The following KIAA1217 variants were observed in gnomAD, a reference collection of about 807,000 sequenced individuals.
KIAA1217 encodes the protein KIAA1217, also known as sickle tail protein homolog.
In KIAA1217, 88 loss-of-function variants were observed where a neutral mutation model predicts 163.9. The observed-to-expected ratio is 0.54, with a 90% CI of 0.45 to 0.64. KIAA1217 has a LOEUF of 0.64. Among genes scored for constraint, KIAA1217 ranks in the 30% least tolerant of loss-of-function variants. The pLI, the probability that KIAA1217 is intolerant of heterozygous loss-of-function variation, is 0.00. For synonymous variants in KIAA1217, 903 were observed against 923.1 expected (o/e 0.98, Z 0.39); for missense variants, 2,372 against 2,475.0 (o/e 0.96, Z 0.88).
At chr10:24,351,399 C>G (rs766921300) in intron 2 of KIAA1217, among the ~76,000 whole-genome samples, 3 of 152,154 alleles carry the variant, frequency 2.0e-5, no homozygotes, top group Non-Finnish European at 4.4e-5. Context: ...TATGACCATG[C>G]CCTTTATGGC....
intron 2 of KIAA1217, among the ~76,000 whole-genome samples, chr10:24,331,471 A>T (rs1462483032): frequency 6.6e-6 from 1 of 152,248 alleles, no homozygotes; most frequent in Non-Finnish European, 1.5e-5. Context: ...GATTAAATAG[A>T]CGAAGTCACA....
chr10:24,140,715 A>G (rs530411467), intron 2 of KIAA1217, among the ~76,000 whole-genome samples: 1 of 152,332 alleles, frequency 6.6e-6, no homozygotes, highest in East Asian at 1.9e-4. Context: ...TAATTGAAAC[A>G]TCGGAAAGCA....
chr10:23,944,993 A>T (rs1004581393), intron 1 of KIAA1217, among the ~76,000 whole-genome samples: 1 of 148,662 alleles, frequency 6.7e-6, no homozygotes, highest in Non-Finnish European at 1.5e-5. Flanking sequence ...TGGGAGGCGG[A>T]GGTTGCAGTG....
intron 9 of KIAA1217, among the ~76,000 whole-genome samples, chr10:24,509,650 G>A (rs2068832933): frequency 2.0e-5 from 3 of 152,108 alleles, no homozygotes; most frequent in African/African-American, 7.2e-5. Flanking sequence ...ATAACTTTTG[G>A]CTCCCCCAAA....
At chr10:23,780,706 G>C (rs1372158797) in intron 1 of KIAA1217, among the ~76,000 whole-genome samples, 1 of 152,134 alleles carries the variant, frequency 6.6e-6, no homozygotes, top group Non-Finnish European at 1.5e-5. Context: ...GGGGAATGGA[G>C]TTTCACTCTT....
chr10:24,443,158 G>T (rs1413233617), intron 5 of KIAA1217, among the ~76,000 whole-genome samples: 1 of 152,134 alleles, frequency 6.6e-6, no homozygotes, highest in Non-Finnish European at 1.5e-5. Flanking sequence ...TGATCCACCT[G>T]CCTCAGCCTC....
intron 2 of KIAA1217, among the ~76,000 whole-genome samples, chr10:24,175,088 C>G: frequency 6.6e-6 from 1 of 152,208 alleles, no homozygotes. Context: ...TCTCAAACTC[C>G]TGACCTCAGG....
In KIAA1217 at chr10:23,904,473, A is replaced by G. The variant is rs35753659; in HGVS notation, c.-320-102752A>G. ...CAAAATATTTTTGGTTTGACACAAC[A>G]AAAGTTATATTGTATTCATGCAAGG... On this transcript the variant is annotated intron_variant, in intron 1 of 18. Coordinates refer to the KIAA1217 transcript ENST00000376462. Among the ~76,000 whole-genome samples the G allele has an allele frequency of 6.3e-3, 960 of 152,308 alleles. 7 individuals are homozygous for G. The highest frequency in any genetic ancestry group is 9.0e-3 in the Non-Finnish European group (613 of 68,014).
chr10:23,904,313 T>C (rs925625367), intron 1 of KIAA1217, among the ~76,000 whole-genome samples: 1 of 152,200 alleles, frequency 6.6e-6, no homozygotes, highest in East Asian at 1.9e-4. Context: ...TCTTCTCTTA[T>C]GCATATGTAA....
chr10:23,715,765 C>T (rs903722956), intron 1 of KIAA1217, among the ~76,000 whole-genome samples: 2 of 151,788 alleles, frequency 1.3e-5, no homozygotes, highest in Non-Finnish European at 2.9e-5. Flanking sequence ...ATCACATTAC[C>T]CATATTTTAA....
rs1491468778 is a variant in KIAA1217 at position 24,239,696 on chromosome 10, T to TG, written c.354+19787_354+19788insG. On this transcript the variant is annotated intron_variant, in intron 2 of 20. Transcript: ENST00000376454. ...AGATGTGTGTGTGTGTGTGTGTGTG[T>TG]TTGTGTGTGTGTGTGTGTGTGTTCT... Among the ~76,000 whole-genome samples, 430 of 80,958 alleles carry TG rather than the reference T, an allele frequency of 5.3e-3. 3 individuals are homozygous for TG. The East Asian group carries it at 0.12, about 22-fold the overall frequency. The allele number at this position is 80,958 out of a possible 152,430, so 53.1% of individuals were successfully genotyped here.
intron 1 of KIAA1217, among the ~76,000 whole-genome samples, chr10:23,780,301 G>T (rs1280687165): frequency 6.6e-6 from 1 of 152,020 alleles, no homozygotes; most frequent in Non-Finnish European, 1.5e-5. Context: ...TACTCTCTTA[G>T]CAAATTTCCA....
intron 2 of KIAA1217, among the ~76,000 whole-genome samples, chr10:24,173,748 T>C (rs1415533125): frequency 6.6e-6 from 1 of 152,218 alleles, no homozygotes; most frequent in Non-Finnish European, 1.5e-5. Context: ...GCCTGGTCCA[T>C]AGGAAATACT....
intron 2 of KIAA1217, among the ~76,000 whole-genome samples, chr10:24,332,107 G>A (rs930082012): frequency 6.6e-6 from 1 of 152,336 alleles, no homozygotes; most frequent in African/African-American, 2.4e-5. Flanking sequence ...GATATCAGTA[G>A]TCAGGTTGTC....
intron 1 of KIAA1217, among the ~76,000 whole-genome samples, chr10:23,945,189 C>A (rs1843966648): frequency 6.6e-6 from 1 of 152,002 alleles, no homozygotes; most frequent in Admixed American, 6.6e-5. Flanking sequence ...CAAGAATGCT[C>A]ATAGTAGCTT....
chr10:23,785,463 G>A (rs1835449969), intron 1 of KIAA1217, among the ~76,000 whole-genome samples: 1 of 152,108 alleles, frequency 6.6e-6, no homozygotes, highest in Middle Eastern at 3.2e-3. Context: ...TAGACTTTGG[G>A]CACTTTATGG....
intron 1 of KIAA1217, among the ~76,000 whole-genome samples, chr10:23,750,862 A>G (rs1326968954): frequency 6.6e-6 from 1 of 152,086 alleles, no homozygotes; most frequent in African/African-American, 2.4e-5. Flanking sequence ...TAGGAAAAAT[A>G]TAGATTTTAG....
intron 9 of KIAA1217, among the ~76,000 whole-genome samples, chr10:24,503,558 C>T (rs1181851339): frequency 6.6e-6 from 1 of 152,168 alleles, no homozygotes; most frequent in Non-Finnish European, 1.5e-5. Context: ...AGGATAGTAG[C>T]CACTCAGTTC....
chr10:24,061,659 CTTCTTAGTTGGCAGCATTTT>C (rs1433922070), intron 2 of KIAA1217, among the ~76,000 whole-genome samples: 2 of 152,154 alleles, frequency 1.3e-5, no homozygotes, highest in Non-Finnish European at 2.9e-5. Context: ...CCAGCATAAT[CTTCTTAGTTGGCAGCATTTT>C]TTCTTTTAGC....
Sources: gnomAD v4.1 joint callset for allele counts (sites outside exome capture counted in the v4.1 genomes callset) on GRCh38, gnomAD v4.1.1 for gene constraint, MANE v1.5 for transcripts, NCBI Gene and HGNC (gene_info 2026-07-23, HGNC 2026-07-21) for gene names.